The following KHDRBS2 variants were observed in gnomAD, a reference collection of about 807,000 sequenced individuals.
KHDRBS2 encodes the protein KH RNA binding domain containing, signal transduction associated 2, also known as KH domain-containing, RNA-binding, signal transduction-associated protein 2.
In KHDRBS2, 26 loss-of-function variants were observed where a neutral mutation model predicts 44.3. The observed-to-expected ratio is 0.59, with a 90% CI of 0.43 to 0.81. The LOEUF (loss-of-function observed/expected upper bound fraction) is 0.81, where lower values mean the gene tolerates loss of function less well. Among genes scored for constraint, KHDRBS2 ranks in the 40% least tolerant of loss-of-function variants. KHDRBS2 has a pLI of 0.00. For missense variants in KHDRBS2, 476 were observed against 433.1 expected (o/e 1.10, Z -0.88); for synonymous variants, 194 against 151.1 (o/e 1.28, Z -2.08).
At chr6:61,849,613 T>C (rs1434287485) in intron 6 of KHDRBS2, among the ~76,000 whole-genome samples, 1 of 151,670 alleles carries the variant, frequency 6.6e-6, no homozygotes. Flanking sequence ...TGACAAGTAA[T>C]GTACTTCAGA....
chr6:61,948,654 C>CATTATT (rs145017316), intron 4 of KHDRBS2, among the ~76,000 whole-genome samples: 23,329 of 141,408 alleles, frequency 0.16, 2,027 homozygotes, highest in East Asian at 0.28. Flanking sequence ...TATATTCTCA[C>CATTATT]ATTATTATTA....
rs1452740737 is a variant in KHDRBS2, at chr6:61,901,330, T to C, written c.525A>G (p.Leu175=). 2.5e-6 allele frequency: 4 copies of C among 1,613,130 alleles called. No individual in the cohort carries two copies. Among genetic ancestry groups the C allele is most frequent in the South Asian group, 1.1e-5 (1 of 91,052 alleles). Residue 175 remains leucine (L), a synonymous_variant, in exon 5 of 9, where the codon TTA becomes TTG. Coordinates refer to ENST00000281156, the MANE Select transcript of KHDRBS2 (RefSeq NM_152688.4). The stretch of plus-strand genomic sequence containing the variant: ...AGTCCTCTGAGCCATTTAAGTAAGA[T>C]AATTCACGTAGTTGTTCCTGACGAA... ...DEIRQEQLRE[L]SYLNGSEDSG...
At chr6:61,659,684 A>G in the KHDRBS2 span, among the ~76,000 whole-genome samples, 151 of 151,950 alleles carry the variant, frequency 9.9e-4, no homozygotes, top group Non-Finnish European at 1.8e-3. Context: ...TAGTTACAAC[A>G]TCTAGGAAGA....
At chr6:61,733,594 C>A (rs1273113438) in intron 6 of KHDRBS2, among the ~76,000 whole-genome samples, 1 of 142,900 alleles carries the variant, frequency 7.0e-6, no homozygotes, top group Non-Finnish European at 1.5e-5. Context: ...GAAACTCCAT[C>A]TCAAAAAAGA....
the KHDRBS2 span, chr6:61,574,301 T>G: frequency 6.7e-7 from 1 of 1,497,800 alleles, no homozygotes; most frequent in South Asian, 1.2e-5. Flanking sequence ...GCATGATCAC[T>G]TGTTCCTTAA....
At chr6:62,142,787 G>T (rs1411203647) in intron 2 of KHDRBS2, among the ~76,000 whole-genome samples, 1 of 151,248 alleles carries the variant, frequency 6.6e-6, no homozygotes, top group Non-Finnish European at 1.5e-5. Context: ...CAAACAAGCA[G>T]GTGGCAAAAT....
chr6:61,708,304 A>ATC (rs1234973930), intron 7 of KHDRBS2, among the ~76,000 whole-genome samples: 1 of 151,654 alleles, frequency 6.6e-6, no homozygotes, highest in Non-Finnish European at 1.5e-5. Flanking sequence ...AAGCAGAAAT[A>ATC]TCTCAACAAT....
chr6:61,849,488 ACTT>A (rs1489052756), intron 6 of KHDRBS2, among the ~76,000 whole-genome samples: 2 of 152,130 alleles, frequency 1.3e-5, no homozygotes, highest in Non-Finnish European at 2.9e-5. Context: ...AAAGTACATA[ACTT>A]AAGTCCTATT....
At chr6:62,210,393 C>T (rs1226854380) in intron 1 of KHDRBS2, among the ~76,000 whole-genome samples, 2 of 146,016 alleles carry the variant, frequency 1.4e-5, no homozygotes, top group African/African-American at 5.1e-5. Flanking sequence ...TTTGATGGCA[C>T]AATCTTGGCT....
chr6:62,141,649 T>C (rs1812830727), intron 2 of KHDRBS2, among the ~76,000 whole-genome samples: 1 of 152,172 alleles, frequency 6.6e-6, no homozygotes, highest in South Asian at 2.1e-4. Flanking sequence ...ATTATATTTT[T>C]ATAGTCGGTC....
At chr6:61,845,864 C>T (rs1458760091) in intron 6 of KHDRBS2, among the ~76,000 whole-genome samples, 1 of 152,126 alleles carries the variant, frequency 6.6e-6, no homozygotes, top group Non-Finnish European at 1.5e-5. Context: ...AAACTCGTCC[C>T]TACCCAAATC....
intron 2 of KHDRBS2, among the ~76,000 whole-genome samples, chr6:62,144,538 G>A (rs1249791198): frequency 6.6e-6 from 1 of 151,702 alleles, no homozygotes; most frequent in African/African-American, 2.4e-5. Context: ...TAGAAATTTG[G>A]AGTTCACGTG....
chr6:62,188,484 A>C (rs978792522), intron 1 of KHDRBS2, among the ~76,000 whole-genome samples: 1 of 152,144 alleles, frequency 6.6e-6, no homozygotes, highest in African/African-American at 2.4e-5. Context: ...GTTGTGAAAA[A>C]TGTAAAAGAG....
chr6:62,258,217 T>C (rs1416977991), intron 1 of KHDRBS2, among the ~76,000 whole-genome samples: 1 of 152,018 alleles, frequency 6.6e-6, no homozygotes, highest in Non-Finnish European at 1.5e-5. Flanking sequence ...CCCTGAAGGA[T>C]AAAGACGCAC....
rs369977176 is a variant in KHDRBS2, at chr6:61,732,830, AG to A, written c.811-67del. Reference sequence around the variant, plus strand: ...GATTAACTTTGATCTGTTTTCAGTTAGCACAATTTTATACAATGTGATCTTG... The same window carrying A: ...GATTAACTTTGATCTGTTTTCAGTTACACAATTTTATACAATGTGATCTTG... On this transcript the variant is annotated intron_variant, in intron 6 of 8. Coordinates refer to ENST00000281156, the MANE Select transcript of KHDRBS2 (RefSeq NM_152688.4). 234 of 863,254 alleles carry A rather than the reference AG, an allele frequency of 2.7e-4. No individual in the cohort carries two copies. The African/African-American group carries it at 3.6e-3, about 13-fold the overall frequency. 53.5% of individuals were successfully genotyped at this position (863,254 alleles called of 1,614,324 possible). A position where few individuals can be genotyped will look rare whatever the true frequency, so the allele number is the denominator to read the frequency against.
intron 6 of KHDRBS2, among the ~76,000 whole-genome samples, chr6:61,882,436 G>T (rs1256256818): frequency 7.9e-5 from 12 of 151,940 alleles, no homozygotes; most frequent in Admixed American, 7.9e-4. Context: ...TTCTCCATTT[G>T]GTTTCTAAGC....
intron 1 of KHDRBS2, among the ~76,000 whole-genome samples, chr6:62,180,189 A>G (rs1392089147): frequency 2.0e-5 from 3 of 151,904 alleles, no homozygotes; most frequent in Non-Finnish European, 4.4e-5. Flanking sequence ...CTACTGGAAG[A>G]CCTAACCAGA....
chr6:61,845,678 C>T (rs934546604), intron 6 of KHDRBS2, among the ~76,000 whole-genome samples: 3 of 152,174 alleles, frequency 2.0e-5, no homozygotes, highest in Non-Finnish European at 4.4e-5. Context: ...TAAAACACTT[C>T]TCACTAAACT....
intron 2 of KHDRBS2, among the ~76,000 whole-genome samples, chr6:62,058,840 A>G (rs969435506): frequency 1.3e-5 from 2 of 151,906 alleles, no homozygotes; most frequent in African/African-American, 4.8e-5. Flanking sequence ...GAAGAAAAGC[A>G]GAATGATTTA....
Sources: allele counts gnomAD v4.1 joint callset (sites outside exome capture counted in the v4.1 genomes callset), GRCh38; gene constraint gnomAD v4.1.1; transcripts MANE v1.5; gene names NCBI Gene and HGNC (gene_info 2026-07-23, HGNC 2026-07-21).